SPECC1: variants seen among roughly 807,000 people sequenced by gnomAD.
The protein encoded by SPECC1 is sperm antigen with calponin homology and coiled-coil domains 1.
Under a neutral mutation model 104.1 loss-of-function variants are expected in SPECC1, and 62 were observed. That is an observed-to-expected ratio of 0.60 (90% CI 0.49 to 0.74). SPECC1 has a LOEUF of 0.74. Ranked by LOEUF, SPECC1 falls within the 30% of genes least tolerant of loss-of-function variation. The pLI is 0.00. For synonymous variants in SPECC1, 513 were observed against 501.6 expected, an observed-to-expected ratio of 1.02 and a Z score of -0.30; for missense variants, 1,306 against 1,310.5, an observed-to-expected ratio of 1.00 and a Z score of 0.05.
chr17:20,029,133 T>A (rs2044710834), intron 1 of SPECC1, among the ~76,000 whole-genome samples: 1 of 152,236 alleles, frequency 6.6e-6, no homozygotes, highest in Non-Finnish European at 1.5e-5. Context: ...GTAATAAGTC[T>A]TTTGATCCAT....
intron 3 of SPECC1, among the ~76,000 whole-genome samples, chr17:20,134,434 ACTCAG>A (rs1245724881): frequency 2.0e-5 from 3 of 151,040 alleles, no homozygotes; most frequent in Non-Finnish European, 4.4e-5. Flanking sequence ...ACTGCCCCAT[ACTCAG>A]CTCCCATGCT....
intron 7 of SPECC1, among the ~76,000 whole-genome samples, chr17:20,236,143 C>T (rs935938817): frequency 6.6e-6 from 1 of 152,168 alleles, no homozygotes; most frequent in Non-Finnish European, 1.5e-5. Flanking sequence ...CTGAGCCCCT[C>T]TCCCAGGTGG....
At chr17:20,253,215 A>G (rs1470175983) in intron 9 of SPECC1, among the ~76,000 whole-genome samples, 1 of 152,210 alleles carries the variant, frequency 6.6e-6, no homozygotes, top group East Asian at 1.9e-4. Context: ...ACATTCCAGG[A>G]AAGATATTCA....
intron 3 of SPECC1, among the ~76,000 whole-genome samples, chr17:20,149,490 G>A (rs1416364885): frequency 2.0e-5 from 3 of 152,210 alleles, no homozygotes; most frequent in Non-Finnish European, 2.9e-5. Context: ...TAAGTCTCTA[G>A]TGAATTTCCC....
At chr17:20,013,588 G>A (rs1256494158) in intron 1 of SPECC1, among the ~76,000 whole-genome samples, 5 of 152,208 alleles carry the variant, frequency 3.3e-5, no homozygotes, top group East Asian at 1.9e-4. Flanking sequence ...TGCGACCTCC[G>A]GCTTTCGGGT....
At chr17:20,076,531 T>C (rs1199058853) in intron 1 of SPECC1, among the ~76,000 whole-genome samples, 3 of 152,240 alleles carry the variant, frequency 2.0e-5, no homozygotes, top group African/African-American at 4.8e-5. Context: ...GCATAAAATA[T>C]TTTCTTAAGT....
intron 3 of SPECC1, among the ~76,000 whole-genome samples, chr17:20,183,114 A>T (rs183969164): frequency 2.0e-3 from 302 of 152,314 alleles, no homozygotes; most frequent in African/African-American, 7.0e-3. Flanking sequence ...TGAGCAATCA[A>T]GTGGCAAAAA....
rs1338900181 is a variant in SPECC1 at position 20,316,884 on chromosome 17, C to T, written c.*2819C>T. On this transcript the variant is annotated 3_prime_UTR_variant, in exon 15 of 15. Transcript: ENST00000395527. ...TGGCGTTGCGGTGTCCCTCCCTCCC[C>T]GCTGGGGCCATACCAGCCCCTCTCC... 4.7e-6 allele frequency: 1 copy of T among 212,982 alleles called. No individual in the cohort carries two copies. The highest frequency in any genetic ancestry group is 1.9e-4 in the South Asian group (1 of 5,336). The allele number at this position is 212,982 out of a possible 1,614,324, so 13.2% of individuals were successfully genotyped here.
chr17:20,075,675 G>T (rs950714016), intron 1 of SPECC1, among the ~76,000 whole-genome samples: 3 of 152,086 alleles, frequency 2.0e-5, no homozygotes, highest in Admixed American at 6.6e-5. Context: ...TCTGGGCGTC[G>T]TAGGTCATGC....
At chr17:20,236,868 G>A (rs766644815) in intron 7 of SPECC1, 8 of 1,613,732 alleles carry the variant, frequency 5.0e-6, no homozygotes. Context: ...AGCTCCCTGG[G>A]CTCTGTCAGC....
At chr17:20,029,726 C>A (rs538323676) in intron 1 of SPECC1, among the ~76,000 whole-genome samples, 118 of 152,212 alleles carry the variant, frequency 7.8e-4, no homozygotes, top group African/African-American at 2.7e-3. Context: ...TCGTAGTATT[C>A]TTTTCTAATC....
chr17:20,311,035 C>T (rs75866373), intron 14 of SPECC1, among the ~76,000 whole-genome samples: 2,021 of 151,294 alleles, frequency 0.013, 54 homozygotes, highest in East Asian at 0.093. Flanking sequence ...GAGCGCATGC[C>T]GTCAACCACC....
At chr17:20,057,838 C>T (rs2152468403) in intron 1 of SPECC1, 1 of 152,254 alleles carries the variant, frequency 6.6e-6, no homozygotes, top group African/African-American at 2.4e-5. Context: ...TCCTAATCCA[C>T]TCTTTGATTG....
intron 12 of SPECC1, among the ~76,000 whole-genome samples, chr17:20,275,359 CTGTTTT>C (rs1401662686): frequency 6.6e-6 from 1 of 152,060 alleles, no homozygotes; most frequent in Non-Finnish European, 1.5e-5. Context: ...TCAATAAGGC[CTGTTTT>C]TGTTTTTGTT....
intron 3 of SPECC1, among the ~76,000 whole-genome samples, chr17:20,151,514 T>C (rs778927427): frequency 1.3e-5 from 2 of 152,182 alleles, no homozygotes; most frequent in Admixed American, 6.5e-5. Flanking sequence ...TGTTGCTTTT[T>C]TTATAGTCAT....
rs1166345880 is a variant in SPECC1, at chr17:20,205,425, A to C, written c.1376A>C (p.Gln459Pro). ...GTAAAGAATGAAGAGCCCACCACTC[A>C]GGAAGGAAAAATTATTGAACTGGAG... is the stretch of plus-strand genomic sequence containing the variant. Reference protein sequence around the residue: ...ERVKNEEPTTQEGKIIELEQK... With the variant: ...ERVKNEEPTTPEGKIIELEQK... Residue 459 changes from glutamine (Q) to proline (P), a missense_variant, in exon 4 of 15, where the codon CAG becomes CCG. Gln to Pro is a moderately conservative substitution (Grantham distance 76, BLOSUM62 -1). Transcript: ENST00000395527. 6.2e-7 allele frequency: 1 copy of C among 1,614,008 alleles called. No individual in the cohort carries two copies. The highest frequency in any genetic ancestry group is 1.3e-5 in the African/African-American group (1 of 74,948).
At chr17:20,102,400 C>T (rs1157437866) in intron 2 of SPECC1, among the ~76,000 whole-genome samples, 1 of 152,184 alleles carries the variant, frequency 6.6e-6, no homozygotes, top group African/African-American at 2.4e-5. Context: ...AGCTTTGCTG[C>T]TACCCAAACT....
intron 1 of SPECC1, among the ~76,000 whole-genome samples, chr17:20,093,604 G>A (rs1179488819): frequency 1.3e-5 from 2 of 152,130 alleles, no homozygotes; most frequent in Non-Finnish European, 1.5e-5. Context: ...TGGATTGGGA[G>A]GAAACCTGAA....
Position 20,080,921 on chromosome 17 carries a change from C to T in SPECC1, c.-21-15710C>T, listed in dbSNP as rs143408221. Among the ~76,000 whole-genome samples, 685 of 152,140 alleles carry T rather than the reference C, an allele frequency of 4.5e-3. 9 individuals are homozygous for T. The highest frequency in any genetic ancestry group is 0.016 in the African/African-American group (644 of 41,502). On this transcript the variant is annotated intron_variant, in intron 1 of 14. Transcript: ENST00000395527. The stretch of plus-strand genomic sequence containing the variant: ...GGGGCCCTCCTGTGGTCCTTCTTGC[C>T]GGCGTCACCCCTGTAGCTGCAGGAA...
Sources: allele counts gnomAD v4.1 joint callset (sites outside exome capture counted in the v4.1 genomes callset), GRCh38; gene constraint gnomAD v4.1.1; transcripts MANE v1.5; gene names NCBI Gene and HGNC (gene_info 2026-07-23, HGNC 2026-07-21).